Variants in CHST11 observed in about 807,000 individuals in gnomAD.
CHST11 encodes C4S-1.
CHST11 carries 9 observed loss-of-function variants against 30.4 expected under a neutral mutation model. The ratio of observed to expected loss-of-function variants is 0.30; its 90% CI spans 0.18 to 0.52. The LOEUF (loss-of-function observed/expected upper bound fraction) is 0.52, where lower values mean the gene tolerates loss of function less well. CHST11 is among the 20% of genes least tolerant of loss of function. The pLI is 0.97. For synonymous variants in CHST11, 152 were observed against 187.8 expected (o/e 0.81, Z 1.56); for missense variants, 348 against 460.6 (o/e 0.76, Z 2.24).
chr12:104,573,924 A>G (rs1592770636), intron 1 of CHST11, among the ~76,000 whole-genome samples: 2 of 152,350 alleles, frequency 1.3e-5, no homozygotes, highest in African/African-American at 4.8e-5. Flanking sequence ...TGAACAGGCA[A>G]CCTACAGAAT....
chr12:104,673,081 G>A (rs543291235), intron 2 of CHST11, among the ~76,000 whole-genome samples: 2 of 152,274 alleles, frequency 1.3e-5, no homozygotes, highest in African/African-American at 4.8e-5. Flanking sequence ...TCCTTGGCTT[G>A]GGGCCCCATC....
chr12:104,684,674 A>G (rs1467896903), intron 2 of CHST11, among the ~76,000 whole-genome samples: 1 of 152,062 alleles, frequency 6.6e-6, no homozygotes, highest in East Asian at 1.9e-4. Flanking sequence ...CAGCTTCACA[A>G]GTAGCTGGGA....
At chr12:104,582,015 G>A (rs956607967) in intron 1 of CHST11, among the ~76,000 whole-genome samples, 1 of 152,184 alleles carries the variant, frequency 6.6e-6, no homozygotes, top group Admixed American at 6.5e-5. Flanking sequence ...GATGCACTAC[G>A]TCATTATCGT....
chr12:104,747,601 C>G (rs1161782367), intron 2 of CHST11, among the ~76,000 whole-genome samples: 1 of 152,138 alleles, frequency 6.6e-6, no homozygotes. Flanking sequence ...GCTCCTCCCC[C>G]TCCCCCAATT....
chr12:104,759,411 G>A lies in CHST11; in HGVS notation c.*1608G>A, dbSNP rs1436665302. The A allele has an allele frequency of 6.9e-6, 1 of 144,568 alleles. No homozygotes were observed. Among genetic ancestry groups the A allele is most frequent in the Admixed American group, 6.8e-5 (1 of 14,626 alleles). The allele number at this position is 144,568 out of a possible 1,614,324, so 9.0% of individuals were successfully genotyped here. On this transcript the variant is annotated 3_prime_UTR_variant, in exon 3 of 3. Transcript: ENST00000303694. The stretch of plus-strand genomic sequence containing the variant: ...TTGAGCCACATCCCTCTTACAGCTA[G>A]TGAATGAGTTGGTAGCAGCTACTGT...
intron 1 of CHST11, among the ~76,000 whole-genome samples, chr12:104,541,461 G>A (rs573784758): frequency 5.9e-5 from 9 of 152,064 alleles, no homozygotes; most frequent in Admixed American, 3.9e-4. Flanking sequence ...ACAAAATAAC[G>A]ATGGTGTTTT....
At chr12:104,510,622 C>T (rs144113474) in intron 1 of CHST11, among the ~76,000 whole-genome samples, 4 of 152,298 alleles carry the variant, frequency 2.6e-5, no homozygotes, top group East Asian at 3.9e-4. Context: ...GCTCCTTGCT[C>T]CTCTTTGTGG....
rs538722969 is a variant in CHST11 at position 104,590,125 on chromosome 12, C to T, written c.119-11781C>T. On this transcript the variant is annotated intron_variant, in intron 1 of 2. Coordinates refer to ENST00000303694, the MANE Select transcript of CHST11 (RefSeq NM_018413.6). ...GTACCTACACCCAGGCCCCTGGCCTCGTTGGCCCCATCTGGCACAGTTTCT... is the reference window on the plus strand; with the variant it reads ...GTACCTACACCCAGGCCCCTGGCCTTGTTGGCCCCATCTGGCACAGTTTCT... Among the ~76,000 whole-genome samples the T allele has an allele frequency of 6.5e-4, 99 of 152,294 alleles. 2 individuals are homozygous for T. Among genetic ancestry groups the T allele is most frequent in the African/African-American group, 2.2e-3 (90 of 41,574 alleles).
At chr12:104,569,196 G>C (rs2038598998) in intron 1 of CHST11, among the ~76,000 whole-genome samples, 1 of 152,132 alleles carries the variant, frequency 6.6e-6, no homozygotes, top group Non-Finnish European at 1.5e-5. Flanking sequence ...ACTAGCTTAT[G>C]AAACAAAATT....
intron 2 of CHST11, among the ~76,000 whole-genome samples, chr12:104,746,484 T>C (rs1392795724): frequency 6.6e-6 from 1 of 152,208 alleles, no homozygotes; most frequent in African/African-American, 2.4e-5. Flanking sequence ...GCTTGGGGGC[T>C]GATCCAGAGG....
intron 1 of CHST11, among the ~76,000 whole-genome samples, chr12:104,529,240 G>C (rs1407867565): frequency 1.3e-5 from 2 of 152,116 alleles, no homozygotes; most frequent in Non-Finnish European, 2.9e-5. Context: ...ACATTTCTGG[G>C]GGTTATTAGA....
At chr12:104,603,075 T>A (rs1030789571) in intron 2 of CHST11, among the ~76,000 whole-genome samples, 1 of 152,158 alleles carries the variant, frequency 6.6e-6, no homozygotes, top group Non-Finnish European at 1.5e-5. Flanking sequence ...GCCAAGTCAG[T>A]ATTGCCTGAG....
At chr12:104,713,510 C>T (rs979022920) in intron 2 of CHST11, among the ~76,000 whole-genome samples, 5 of 152,208 alleles carry the variant, frequency 3.3e-5, no homozygotes, top group Non-Finnish European at 5.9e-5. Flanking sequence ...TTTTTCAAAA[C>T]GGCTCTGTAT....
intron 1 of CHST11, among the ~76,000 whole-genome samples, chr12:104,464,459 C>T (rs1224961236): frequency 6.6e-6 from 1 of 152,078 alleles, no homozygotes; most frequent in African/African-American, 2.4e-5. Flanking sequence ...ACCACCTGCT[C>T]CCCCTTGACC....
chr12:104,457,411 C>T lies in CHST11; in HGVS notation c.-1C>T. ...CCGGTCCCCGCAGCCAGGACAAAGC[C>T]ATGAAGCCAGCGCTGCTGGAAGTGA... On this transcript the variant is annotated 5_prime_UTR_variant, in exon 1 of 3. Coordinates refer to ENST00000303694, the MANE Select transcript of CHST11 (RefSeq NM_018413.6). 6.2e-7 allele frequency: 1 copy of T among 1,611,442 alleles called. No homozygotes were observed. Among genetic ancestry groups the T allele is most frequent in the Non-Finnish European group, 8.5e-7 (1 of 1,177,674 alleles).
intron 1 of CHST11, among the ~76,000 whole-genome samples, chr12:104,470,361 G>A (rs535122672): frequency 6.6e-6 from 1 of 152,276 alleles, no homozygotes; most frequent in South Asian, 2.1e-4. Context: ...GAGAGAGAAT[G>A]TGTGCAAGCA....
rs1331592239 is a variant in CHST11 at position 104,756,949 on chromosome 12, C to G, written c.205C>G (p.Leu69Val). ...TATTCGTCTTGTGTCTCCTCTGCAG[C>G]TGGAGCTCTCAAACACTGCTGTCCT... Reference protein sequence around the residue: ...PLQELYNPIQLELSNTAVLHQ... With the variant: ...PLQELYNPIQVELSNTAVLHQ... The change falls in exon 3 of 3, where the codon CTG becomes GTG. Residue 69 changes from leucine to valine, a missense_variant and splice_region_variant. By Grantham distance (32) the Leu-to-Val change is conservative (BLOSUM62 1). Transcript: ENST00000303694. 6.2e-7 allele frequency: 1 copy of G among 1,608,748 alleles called. No individual in the cohort carries two copies. The highest frequency in any genetic ancestry group is 8.5e-7 in the Non-Finnish European group (1 of 1,177,088).
intron 2 of CHST11, among the ~76,000 whole-genome samples, chr12:104,610,218 T>G (rs1225866405): frequency 6.6e-6 from 1 of 152,200 alleles, no homozygotes; most frequent in Non-Finnish European, 1.5e-5. Context: ...CCTAGTTAGG[T>G]ACTCTGTAAT....
chr12:104,697,963 CCTCTT>C (rs2039961349), intron 2 of CHST11, among the ~76,000 whole-genome samples: 1 of 152,194 alleles, frequency 6.6e-6, no homozygotes, highest in South Asian at 2.1e-4. Flanking sequence ...AATATTTGGG[CCTCTT>C]CTCCCATCTG....
Sources: allele counts gnomAD v4.1 joint callset (sites outside exome capture counted in the v4.1 genomes callset), GRCh38; gene constraint gnomAD v4.1.1; transcripts MANE v1.5; gene names NCBI Gene and HGNC (gene_info 2026-07-23, HGNC 2026-07-21).